Variants in DACH1 observed in about 807,000 individuals in gnomAD.
The protein encoded by DACH1 is dachshund family transcription factor 1.
In DACH1, 12 loss-of-function variants were observed where a neutral mutation model predicts 54.2. That is an observed-to-expected ratio of 0.22 (90% CI 0.14 to 0.36). The LOEUF (loss-of-function observed/expected upper bound fraction) is 0.36. DACH1 is among the 10% of genes least tolerant of loss of function. The pLI, the probability that DACH1 is intolerant of heterozygous loss-of-function variation, is 1.00. For synonymous variants in DACH1, 386 were observed against 366.2 expected (o/e 1.05, Z -0.62); for missense variants, 805 against 929.8 (o/e 0.87, Z 1.75).
chr13:71,825,959 C>A (rs1357736236), intron 1 of DACH1, among the ~76,000 whole-genome samples: 2 of 152,038 alleles, frequency 1.3e-5, no homozygotes, highest in Non-Finnish European at 2.9e-5. Context: ...GGCAACCATG[C>A]AAACAGCTGT....
At chr13:71,484,445 G>T (rs369500799) in intron 7 of DACH1, among the ~76,000 whole-genome samples, 4 of 152,074 alleles carry the variant, frequency 2.6e-5, no homozygotes, top group East Asian at 1.9e-4. Context: ...GGGATTACAG[G>T]TATGAGTCAC....
chr13:71,758,266 A>G (rs1303281899), intron 1 of DACH1, among the ~76,000 whole-genome samples: 5 of 152,184 alleles, frequency 3.3e-5, no homozygotes, highest in African/African-American at 1.2e-4. Flanking sequence ...TTTAAAACAG[A>G]TTGACAGAGC....
chr13:71,636,725 T>C (rs1877515042), intron 2 of DACH1, among the ~76,000 whole-genome samples: 1 of 151,928 alleles, frequency 6.6e-6, no homozygotes. Flanking sequence ...ATATCAAACT[T>C]GGGTTAATAC....
At chr13:71,687,109 G>A (rs555931970) in intron 1 of DACH1, among the ~76,000 whole-genome samples, 8 of 152,212 alleles carry the variant, frequency 5.3e-5, no homozygotes, top group African/African-American at 1.7e-4. Flanking sequence ...GGCCCTCTCC[G>A]ATCTATTTAC....
At chr13:71,663,878 T>G (rs1482329583) in intron 2 of DACH1, among the ~76,000 whole-genome samples, 138 of 152,090 alleles carry the variant, frequency 9.1e-4, no homozygotes, top group African/African-American at 3.1e-3. Context: ...GTTCAATATG[T>G]AAAGTTCATT....
intron 2 of DACH1, 59 bp downstream of exon 2, chr13:71,681,736 A>T: frequency 1.6e-6 from 2 of 1,253,894 alleles, no homozygotes; most frequent in Admixed American, 3.5e-5. Flanking sequence ...GATATATATA[A>T]AAGCTACGAC....
chr13:71,471,834 TGAC>T (rs929285869), intron 10 of DACH1, among the ~76,000 whole-genome samples: 11 of 152,066 alleles, frequency 7.2e-5, no homozygotes, highest in African/African-American at 2.7e-4. Context: ...TAAAATAAGA[TGAC>T]GACTTAGCTG....
chr13:71,671,858 G>A (rs1880226597), intron 2 of DACH1, among the ~76,000 whole-genome samples: 1 of 152,036 alleles, frequency 6.6e-6, no homozygotes, highest in South Asian at 2.1e-4. Context: ...ACACAGCAAG[G>A]CTCTTTCTTA....
At chr13:71,629,164 A>G in intron 3 of DACH1, among the ~76,000 whole-genome samples, 1 of 152,148 alleles carries the variant, frequency 6.6e-6, no homozygotes, top group Non-Finnish European at 1.5e-5. Flanking sequence ...ATTCTGTTTT[A>G]ATTTTTAAAT....
intron 3 of DACH1, among the ~76,000 whole-genome samples, chr13:71,614,286 C>T (rs760644680): frequency 2.0e-5 from 3 of 152,044 alleles, no homozygotes; most frequent in Non-Finnish European, 4.4e-5. Flanking sequence ...CCAGAATTCA[C>T]GGGTAGTTGA....
intron 1 of DACH1, among the ~76,000 whole-genome samples, chr13:71,826,392 T>C (rs1286696644): frequency 6.6e-6 from 1 of 152,152 alleles, no homozygotes; most frequent in East Asian, 1.9e-4. Context: ...GGTTGCAGTT[T>C]TCCAGGCTAC....
At chr13:71,617,384 A>G (rs1256982792) in intron 3 of DACH1, among the ~76,000 whole-genome samples, 3 of 152,136 alleles carry the variant, frequency 2.0e-5, no homozygotes, top group Non-Finnish European at 4.4e-5. Context: ...AACTAATCAG[A>G]ATTCCTGGTT....
chr13:71,787,943 CA>C (rs1232974226), intron 1 of DACH1, among the ~76,000 whole-genome samples: 1 of 151,998 alleles, frequency 6.6e-6, no homozygotes, highest in Non-Finnish European at 1.5e-5. Flanking sequence ...GAAAGGAGCT[CA>C]AATAGCACTT....
chr13:71,584,129 G>A (rs1029253336), intron 3 of DACH1, among the ~76,000 whole-genome samples: 3 of 152,044 alleles, frequency 2.0e-5, no homozygotes, highest in South Asian at 2.1e-4. Context: ...ACTTGAGGTC[G>A]CCTGGGTAAA....
At chr13:71,630,459 T>C in intron 3 of DACH1, 97 bp downstream of exon 3, 1 of 1,436,374 alleles carries the variant, frequency 7.0e-7, no homozygotes, top group East Asian at 2.5e-5. Flanking sequence ...AGTGCCAACT[T>C]TTTGAATGGG....
At chr13:71,727,771 T>C (rs1206394525) in intron 1 of DACH1, among the ~76,000 whole-genome samples, 1 of 152,054 alleles carries the variant, frequency 6.6e-6, no homozygotes, top group Non-Finnish European at 1.5e-5. Flanking sequence ...CTATATTTAA[T>C]ATAAAAAATG....
intron 6 of DACH1, among the ~76,000 whole-genome samples, chr13:71,518,539 T>G (rs976617279): frequency 6.6e-6 from 1 of 151,938 alleles, no homozygotes; most frequent in Non-Finnish European, 1.5e-5. Context: ...GTGTCTTTTA[T>G]AGCAATTCCA....
At chr13:71,467,557 T>G (rs1161943372) in intron 10 of DACH1, among the ~76,000 whole-genome samples, 1 of 150,980 alleles carries the variant, frequency 6.6e-6, no homozygotes, top group Admixed American at 6.6e-5. Context: ...TAAAAAAAAT[T>G]CTAAAATTTT....
At chr13:71,676,865 T>G (rs1594085795) in intron 2 of DACH1, among the ~76,000 whole-genome samples, 1 of 152,188 alleles carries the variant, frequency 6.6e-6, no homozygotes, top group East Asian at 1.9e-4. Context: ...TGAATACGTA[T>G]TAGTTATATG....
Sources: gnomAD v4.1 joint callset for allele counts (sites outside exome capture counted in the v4.1 genomes callset) on GRCh38, gnomAD v4.1.1 for gene constraint, MANE v1.5 for transcripts, NCBI Gene and HGNC (gene_info 2026-07-23, HGNC 2026-07-21) for gene names.